The following HDAC2 variants were observed in gnomAD, a reference collection of about 807,000 sequenced individuals.
HDAC2 encodes histone deacetylase 2.
Under a neutral mutation model 68.5 loss-of-function variants are expected in HDAC2, and 5 were observed. The ratio of observed to expected loss-of-function variants is 0.07; its 90% CI spans 0.04 to 0.15. HDAC2 has a LOEUF of 0.15. Among genes scored for constraint, HDAC2 ranks in the 10% least tolerant of loss-of-function variants. The probability of loss-of-function intolerance (pLI) is 1.00; values close to 1 mark genes in which losing one functional copy is unlikely to be tolerated. For missense variants in HDAC2, 291 were observed against 600.8 expected, an observed-to-expected ratio of 0.48 and a Z score of 5.39; for synonymous variants, 182 against 191.3, an observed-to-expected ratio of 0.95 and a Z score of 0.40.
At chr6:113,961,653 T>C (rs1388366679) in intron 1 of HDAC2, among the ~76,000 whole-genome samples, 1 of 152,160 alleles carries the variant, frequency 6.6e-6, no homozygotes, top group African/African-American at 2.4e-5. Context: ...ATACAAGGGA[T>C]ATATAGTTCC....
rs1049291065 is a variant in HDAC2 at position 113,938,924 on chromosome 6, C to A, written c.*2134G>T. ...AACCAACTACTTAGAAAAACAAAAC[C>A]TCTTAAATACACCCAAGGAGATCCA... is the stretch of plus-strand genomic sequence containing the variant. On this transcript the variant is annotated 3_prime_UTR_variant, in exon 14 of 14. Coordinates refer to ENST00000519065, the MANE Select transcript of HDAC2 (RefSeq NM_001527.4). 3.3e-5 allele frequency: 5 copies of A among 152,088 alleles called. No homozygotes were observed. Among genetic ancestry groups the A allele is most frequent in the Admixed American group, 6.6e-5 (1 of 15,258 alleles). 9.4% of individuals were successfully genotyped at this position (152,088 alleles called of 1,614,324 possible).
chr6:113,941,296 T>A (rs1776127069), intron 13 of HDAC2, among the ~76,000 whole-genome samples: 1 of 152,076 alleles, frequency 6.6e-6, no homozygotes, highest in Admixed American at 6.6e-5. Context: ...TGGCACAAAA[T>A]TATGTGTGCC....
In HDAC2 at chr6:113,971,079, G is replaced by C. The variant is rs1383442722; in HGVS notation, c.-171C>G. On this transcript the variant is annotated 5_prime_UTR_variant, in exon 1 of 14. Transcript: ENST00000519065. Reference sequence around the variant, plus strand: ...AGAGGAGGGGGCGCCGGGAAGGCTCGGTACCACCCGGCAGAGGTGCCGAAA... The same window carrying C: ...AGAGGAGGGGGCGCCGGGAAGGCTCCGTACCACCCGGCAGAGGTGCCGAAA... 3 of 1,551,962 alleles carry C rather than the reference G, an allele frequency of 1.9e-6. No homozygotes were observed. The East Asian group carries it at 7.2e-5, about 37-fold the overall frequency.
At position 113,970,965 on chromosome 6, in the gene HDAC2, T is replaced by C. The variant is rs1354953741; in HGVS notation, c.-57A>G. The C allele has an allele frequency of 6.4e-6, 10 of 1,564,340 alleles. No individual in the cohort carries two copies. Among genetic ancestry groups the C allele is most frequent in the African/African-American group, 5.4e-5 (4 of 73,840 alleles). The stretch of plus-strand genomic sequence containing the variant: ...CTCCTCCTGCTGCTGCTGCTGCTGC[T>C]GCTGCCGCCGCGGCTCGGCCGGGAG... On this transcript the variant is annotated 5_prime_UTR_variant, in exon 1 of 14. Coordinates refer to ENST00000519065, the MANE Select transcript of HDAC2 (RefSeq NM_001527.4).
At chr6:113,969,451 TCTTA>T (rs1003660584) in intron 1 of HDAC2, among the ~76,000 whole-genome samples, 2 of 152,216 alleles carry the variant, frequency 1.3e-5, no homozygotes, top group Non-Finnish European at 1.5e-5. Context: ...TGCTCTGGGG[TCTTA>T]CTTCTCTAAA....
At chr6:113,962,555 T>G (rs542233500) in intron 1 of HDAC2, among the ~76,000 whole-genome samples, 1 of 152,320 alleles carries the variant, frequency 6.6e-6, no homozygotes, top group South Asian at 2.1e-4. Context: ...CGCATAGCTT[T>G]CAACAAGTTT....
At chr6:113,959,268 CT>C (rs1776624991) in intron 2 of HDAC2, among the ~76,000 whole-genome samples, 2 of 152,078 alleles carry the variant, frequency 1.3e-5, no homozygotes, top group South Asian at 4.1e-4. Flanking sequence ...CTAACTTCCC[CT>C]CTTCTCTAAA....
intron 1 of HDAC2, chr6:113,970,362 G>A: frequency 1.5e-6 from 1 of 670,608 alleles, no homozygotes; most frequent in Non-Finnish European, 1.8e-6. Context: ...GGAAGGGGAC[G>A]GGAGGGGCGG....
Position 113,936,393 on chromosome 6 carries a change from AT to A in HDAC2, c.*4664del, listed in dbSNP as rs1775998689. On this transcript the variant is annotated 3_prime_UTR_variant, in exon 14 of 14. Coordinates refer to ENST00000519065, the MANE Select transcript of HDAC2 (RefSeq NM_001527.4). ...GCATTGCTCATGTAAATAGCCAATA[AT>A]AACAATATGATAGTTCTATTTTTTC... The A allele has an allele frequency of 6.6e-6, 1 of 152,206 alleles. No individual in the cohort carries two copies. The highest frequency in any genetic ancestry group is 6.5e-5 in the Admixed American group (1 of 15,286). The allele number at this position is 152,206 out of a possible 1,614,324, so 9.4% of individuals were successfully genotyped here.
intron 1 of HDAC2, among the ~76,000 whole-genome samples, chr6:113,966,243 G>A (rs1468989484): frequency 2.0e-5 from 3 of 151,990 alleles, no homozygotes; most frequent in East Asian, 1.9e-4. Flanking sequence ...ATATGAAAGC[G>A]TTCTATCTAT....
chr6:113,969,060 A>T (rs889578156), intron 1 of HDAC2, among the ~76,000 whole-genome samples: 4 of 152,240 alleles, frequency 2.6e-5, no homozygotes, highest in African/African-American at 9.6e-5. Flanking sequence ...ATGTAATTTT[A>T]CAAATTAACT....
At chr6:113,943,585 A>G in intron 11 of HDAC2, 79 bp from the exon 12 acceptor site, 1 of 1,071,348 alleles carries the variant, frequency 9.3e-7, no homozygotes, top group Non-Finnish European at 1.3e-6. Flanking sequence ...ATACAAATGC[A>G]CTAAGCAGTT....
chr6:113,958,752 G>C lies in HDAC2; in HGVS notation c.180C>G (p.Ala60=). The C allele has an allele frequency of 6.3e-7, 1 of 1,584,064 alleles. No individual in the cohort carries two copies. The highest frequency in any genetic ancestry group is 2.2e-5 in the East Asian group (1 of 44,604). The change falls in exon 3 of 14, where the codon GCC becomes GCG. Residue 60 remains alanine (A), a synonymous_variant. Coordinates refer to ENST00000519065, the MANE Select transcript of HDAC2 (RefSeq NM_001527.4). ...GATATTTTGTCATTTCTTCGGCAGT[G>C]GCTTTATGGGGCCTCTGTGAAGAGA... ...RKMEIYRPHK[A]TAEEMTKYHS...
At position 113,937,498 on chromosome 6, in the gene HDAC2, T is replaced by G. The variant is rs954398851; in HGVS notation, c.*3560A>C. 5.9e-5 allele frequency: 9 copies of G among 152,182 alleles called. No homozygotes were observed. Among genetic ancestry groups the G allele is most frequent in the African/African-American group, 2.2e-4 (9 of 41,426 alleles). The allele number at this position is 152,182 out of a possible 1,614,324, so 9.4% of individuals were successfully genotyped here. On this transcript the variant is annotated 3_prime_UTR_variant, in exon 14 of 14. Transcript: ENST00000519065. ...CATTAAATGAATTAAAGAGCTTTAC[T>G]TGAGTTAATATCTTAGTTTACCAAA...
rs1180749291 is a variant in HDAC2, at chr6:113,938,301, T to C, written c.*2757A>G. The C allele has an allele frequency of 6.6e-6, 1 of 152,230 alleles. No homozygotes were observed. 9.4% of individuals were successfully genotyped at this position (152,230 alleles called of 1,614,324 possible). On this transcript the variant is annotated 3_prime_UTR_variant, in exon 14 of 14. Transcript: ENST00000519065. ...CCAGTTCACATCCTTATACATTTTG[T>C]TCCTCTACTATCTTTAGATATGAGC...
At chr6:113,958,539 G>A in intron 3 of HDAC2, 110 bp downstream of exon 3, 3 of 630,430 alleles carry the variant, frequency 4.8e-6, no homozygotes, top group East Asian at 5.5e-5. Flanking sequence ...GTAAATAACT[G>A]TAACATATTA....
chr6:113,944,697 T>A (rs1424452337), intron 10 of HDAC2, among the ~76,000 whole-genome samples: 1 of 152,152 alleles, frequency 6.6e-6, no homozygotes, highest in Non-Finnish European at 1.5e-5. Flanking sequence ...TCTCACTATA[T>A]GGCCCAGGCT....
chr6:113,944,686 G>A (rs1314510136), intron 10 of HDAC2, among the ~76,000 whole-genome samples: 2 of 152,046 alleles, frequency 1.3e-5, no homozygotes, highest in African/African-American at 4.8e-5. Context: ...TGCAGACAAG[G>A]TCTCACTATA....
chr6:113,958,913 C>A (rs1435154846), intron 2 of HDAC2, 147 bp from the exon 3 acceptor site: 3 of 681,652 alleles, frequency 4.4e-6, no homozygotes, highest in East Asian at 5.2e-5. Context: ...CTAACCCAAA[C>A]TTATATGTGT....
Sources: allele counts gnomAD v4.1 joint callset (sites outside exome capture counted in the v4.1 genomes callset), GRCh38; gene constraint gnomAD v4.1.1; transcripts MANE v1.5; gene names NCBI Gene and HGNC (gene_info 2026-07-23, HGNC 2026-07-21).